The following NCALD variants were observed in gnomAD, a reference collection of about 807,000 sequenced individuals.
NCALD encodes the protein neurocalcin delta, also known as neurocalcin-delta.
A neutral mutation model predicts 18.6 loss-of-function variants in NCALD; 10 were observed. The ratio of observed to expected loss-of-function variants is 0.54; its 90% CI spans 0.33 to 0.91. The LOEUF is 0.91. Ranked by LOEUF, NCALD falls within the 40% of genes least tolerant of loss-of-function variation. The pLI, the probability that NCALD is intolerant of heterozygous loss-of-function variation, is 0.03. For missense variants in NCALD, 184 were observed against 247.6 expected, an observed-to-expected ratio of 0.74 and a Z score of 1.72; for synonymous variants, 88 against 87.4, an observed-to-expected ratio of 1.01 and a Z score of -0.04.
intron 3 of NCALD, chr8:101,690,779 A>C (rs1317767603): frequency 3.0e-6 from 3 of 985,270 alleles, no homozygotes; most frequent in African/African-American, 1.7e-5. Context: ...AGCCCTGCCC[A>C]CATAGTAGTT....
intron 1 of NCALD, among the ~76,000 whole-genome samples, chr8:102,070,926 A>T (rs773584102): frequency 1.3e-4 from 20 of 152,174 alleles, no homozygotes; most frequent in Admixed American, 1.3e-3. Context: ...ATCTAAAAAT[A>T]ACATTGCTTT....
At chr8:101,708,642 T>A (rs558865186) in intron 2 of NCALD, among the ~76,000 whole-genome samples, 1 of 152,026 alleles carries the variant, frequency 6.6e-6, no homozygotes, top group South Asian at 2.1e-4. Context: ...GGTGTTTCGA[T>A]TAGCTGCAAT....
intron 2 of NCALD, among the ~76,000 whole-genome samples, chr8:101,976,093 C>G (rs1225353704): frequency 2.6e-5 from 4 of 152,206 alleles, no homozygotes; most frequent in African/African-American, 9.6e-5. Flanking sequence ...AAGTGGCCAA[C>G]TCTTTACAGC....
intron 1 of NCALD, among the ~76,000 whole-genome samples, chr8:101,775,322 A>G (rs868190538): frequency 1.7e-4 from 26 of 152,172 alleles, no homozygotes; most frequent in African/African-American, 6.3e-4. Context: ...CCAACCGCAC[A>G]TGTGCTTGGC....
chr8:101,772,932 G>T (rs1383648403), intron 1 of NCALD, among the ~76,000 whole-genome samples: 2 of 152,068 alleles, frequency 1.3e-5, no homozygotes, highest in African/African-American at 2.4e-5. Flanking sequence ...CCCAGAAAGG[G>T]GTAGGAGTAG....
At position 101,692,877 on chromosome 8, in the gene NCALD, G is replaced by A; in HGVS notation, c.398C>T (p.Ser133Phe). Residue 133 changes from serine (S) to phenylalanine (F), a missense_variant, in exon 3 of 4, where the codon TCC becomes TTC. Ser to Phe is a radical substitution (Grantham distance 155). Coordinates refer to ENST00000220931, the MANE Select transcript of NCALD (RefSeq NM_032041.3). Reference sequence around the variant, plus strand: ...ATCTTCAGGCATTTTCATTACAGAGGAAACCATCTTATAGATTGCCTGGGG... The same window carrying A: ...ATCTTCAGGCATTTTCATTACAGAGAAAACCATCTTATAGATTGCCTGGGG... ...EIVQAIYKMV[S>F]SVMKMPEDES... 1.2e-6 allele frequency: 2 copies of A among 1,613,530 alleles called. No homozygotes were observed. Among genetic ancestry groups the A allele is most frequent in the Non-Finnish European group, 1.7e-6 (2 of 1,179,620 alleles).
chr8:102,037,999 C>T (rs1478765033), intron 1 of NCALD, among the ~76,000 whole-genome samples: 1 of 152,098 alleles, frequency 6.6e-6, no homozygotes, highest in Admixed American at 6.6e-5. Context: ...GTCTTTATTT[C>T]CCCCCTTTCA....
At chr8:101,827,468 G>T (rs1813985984) in intron 4 of NCALD, among the ~76,000 whole-genome samples, 1 of 152,200 alleles carries the variant, frequency 6.6e-6, no homozygotes, top group South Asian at 2.1e-4. Context: ...TGAACAAATA[G>T]TACGTGAGAT....
chr8:101,693,617 C>G (rs988551452), intron 2 of NCALD: 1 of 152,218 alleles, frequency 6.6e-6, no homozygotes, highest in South Asian at 2.1e-4. Flanking sequence ...GTTCTGAAGA[C>G]GCTGCTTTGA....
chr8:102,067,448 AAC>A (rs59878811), intron 1 of NCALD, among the ~76,000 whole-genome samples: 47,622 of 150,700 alleles, frequency 0.32, 7,472 homozygotes, highest in Admixed American at 0.39. Context: ...TCTTGTCCCA[AAC>A]ACACACACAC....
intron 4 of NCALD, among the ~76,000 whole-genome samples, chr8:101,858,497 C>T (rs1050163923): frequency 2.0e-5 from 3 of 152,140 alleles, no homozygotes; most frequent in Non-Finnish European, 2.9e-5. Flanking sequence ...CAGCCTGATA[C>T]TGGAGGTTTA....
At chr8:101,776,812 C>G (rs533159700) in intron 1 of NCALD, among the ~76,000 whole-genome samples, 17 of 152,184 alleles carry the variant, frequency 1.1e-4, no homozygotes, top group African/African-American at 3.6e-4. Context: ...TATATAGAAC[C>G]ATGAAAGAGC....
intron 1 of NCALD, among the ~76,000 whole-genome samples, chr8:101,758,698 C>T (rs1030245722): frequency 2.0e-5 from 3 of 152,188 alleles, no homozygotes; most frequent in South Asian, 4.1e-4. Flanking sequence ...GTATTCATTA[C>T]ATTGCAAGAG....
chr8:101,790,601 G>A (rs181680045), intron 1 of NCALD, among the ~76,000 whole-genome samples: 28 of 152,294 alleles, frequency 1.8e-4, no homozygotes, highest in Middle Eastern at 6.8e-3. Flanking sequence ...TGCAAAATCC[G>A]TATGTCTAAA....
intron 4 of NCALD, among the ~76,000 whole-genome samples, chr8:101,872,795 T>C (rs1484681705): frequency 6.6e-6 from 1 of 152,184 alleles, no homozygotes; most frequent in Non-Finnish European, 1.5e-5. Context: ...CAAAACTATA[T>C]GTCATGGAGG....
intron 2 of NCALD, among the ~76,000 whole-genome samples, chr8:101,946,810 A>C (rs937558576): frequency 8.0e-5 from 2 of 24,942 alleles, no homozygotes; most frequent in South Asian, 1.6e-3. Flanking sequence ...ATCAATTAGC[A>C]AAAAAAAAAA....
At chr8:101,863,278 T>A (rs756039788) in intron 4 of NCALD, among the ~76,000 whole-genome samples, 2 of 152,206 alleles carry the variant, frequency 1.3e-5, no homozygotes, top group Non-Finnish European at 2.9e-5. Context: ...CCTTGGGGTT[T>A]TTCTTTGACC....
At chr8:101,840,116 T>TAA (rs61620684) in intron 4 of NCALD, among the ~76,000 whole-genome samples, 38 of 129,042 alleles carry the variant, frequency 2.9e-4, no homozygotes, top group Admixed American at 5.4e-4. Context: ...AGCAACAAAA[T>TAA]AAAAAAAAAA....
At position 101,974,752 on chromosome 8, in the gene NCALD, G is replaced by T. The variant is rs191914268; in HGVS notation, c.-157+45485C>A. ...AATAACTAACAACATGCCGACAAGG[G>T]GTAACTGCTATTCTAGAAATTATAC... On this transcript the variant is annotated intron_variant, in intron 2 of 6. Transcript: ENST00000311028. 6.6e-5 allele frequency among the ~76,000 whole-genome samples: 10 copies of T among 152,128 alleles called. No homozygotes were observed. The East Asian group carries it at 1.7e-3, about 26-fold the overall frequency.
Sources: gnomAD v4.1 joint callset for allele counts (sites outside exome capture counted in the v4.1 genomes callset) on GRCh38, gnomAD v4.1.1 for gene constraint, MANE v1.5 for transcripts, NCBI Gene and HGNC (gene_info 2026-07-23, HGNC 2026-07-21) for gene names.